KAZN: variants seen among roughly 807,000 people sequenced by gnomAD.
KAZN encodes kazrin, periplakin interacting protein, also known as kazrin.
Under a neutral mutation model 87.4 loss-of-function variants are expected in KAZN, and 40 were observed. The ratio of observed to expected loss-of-function variants is 0.46; its 90% CI spans 0.36 to 0.60. The LOEUF is 0.60. KAZN is among the 20% of genes least tolerant of loss of function. The probability of loss-of-function intolerance (pLI) is 0.00; values close to 1 mark genes in which losing one functional copy is unlikely to be tolerated. For missense variants in KAZN, 898 were observed against 1,073.9 expected (o/e 0.84, Z 2.29); for synonymous variants, 466 against 458.3 (o/e 1.02, Z -0.22).
chr1:15,055,039 TTC>T (rs2100475954), intron 4 of KAZN, among the ~76,000 whole-genome samples: 1 of 152,392 alleles, frequency 6.6e-6, no homozygotes, highest in African/African-American at 2.4e-5. Context: ...CACATGGCAC[TTC>T]TCTGGCAAAA....
In KAZN at chr1:14,484,035, T is replaced by C. The variant is rs373995715; in HGVS notation, c.250-114948T>C. Among the ~76,000 whole-genome samples, 12 of 152,366 alleles carry C rather than the reference T, an allele frequency of 7.9e-5. No individual in the cohort carries two copies. The East Asian group carries it at 1.2e-3, about 15-fold the overall frequency. Reference sequence around the variant, plus strand: ...TAAAGAGATCGTCTTCTCCTCATTGTACTTTCTTGGCATCTTTATTGAAAA... The same window carrying C: ...TAAAGAGATCGTCTTCTCCTCATTGCACTTTCTTGGCATCTTTATTGAAAA... On this transcript the variant is annotated intron_variant, in intron 2 of 16. Coordinates refer to the KAZN transcript ENST00000636203.
intron 1 of KAZN, among the ~76,000 whole-genome samples, chr1:14,005,945 T>C (rs1300758458): frequency 6.6e-6 from 1 of 152,164 alleles, no homozygotes. Context: ...ACTATATGTA[T>C]CCATCTGTCA....
At chr1:14,750,425 G>A (rs1288715463) in intron 1 of KAZN, among the ~76,000 whole-genome samples, 5 of 152,086 alleles carry the variant, frequency 3.3e-5, no homozygotes, top group South Asian at 2.1e-4. Context: ...GAAGTTTTAC[G>A]TGCTCCCTAT....
chr1:14,512,336 A>T (rs1167353694), intron 2 of KAZN, among the ~76,000 whole-genome samples: 2 of 152,066 alleles, frequency 1.3e-5, no homozygotes, highest in Non-Finnish European at 2.9e-5. Flanking sequence ...TGTGGGGCGC[A>T]TTGTAGGATG....
At chr1:14,492,665 A>AACCACACACACACACCACACACACCACAC (rs1239779075) in intron 2 of KAZN, among the ~76,000 whole-genome samples, 1 of 30,880 alleles carries the variant, frequency 3.2e-5, no homozygotes, top group African/African-American at 1.3e-4. Flanking sequence ...ACACACCACA[A>AACCACACACACACACCACACACACCACAC]ATACACACTA....
chr1:14,085,098 A>C (rs1241421153), intron 1 of KAZN, among the ~76,000 whole-genome samples: 1 of 152,080 alleles, frequency 6.6e-6, no homozygotes, highest in African/African-American at 2.4e-5. Flanking sequence ...TCAGTGTGCT[A>C]TTCTTCCCCC....
At chr1:14,650,729 G>A (rs1638309056) in intron 1 of KAZN, among the ~76,000 whole-genome samples, 1 of 152,186 alleles carries the variant, frequency 6.6e-6, no homozygotes, top group Non-Finnish European at 1.5e-5. Flanking sequence ...TTAGTCAGCA[G>A]GTTCCTGATG....
At chr1:14,490,483 T>TGG (rs1350660404) in intron 2 of KAZN, among the ~76,000 whole-genome samples, 13 of 152,078 alleles carry the variant, frequency 8.5e-5, no homozygotes, top group African/African-American at 2.7e-4. Context: ...TTTGTTTGTT[T>TGG]TTTTGGTTTG....
At chr1:14,630,316 TG>T (rs1244298148) in intron 1 of KAZN, among the ~76,000 whole-genome samples, 2 of 151,994 alleles carry the variant, frequency 1.3e-5, no homozygotes, top group African/African-American at 4.8e-5. Context: ...GTGTGGATGG[TG>T]GGGGGAATTT....
chr1:13,984,233 A>G (rs1425376329), intron 1 of KAZN, among the ~76,000 whole-genome samples: 1 of 151,966 alleles, frequency 6.6e-6, no homozygotes, highest in Non-Finnish European at 1.5e-5. Flanking sequence ...GATGGTCTTG[A>G]TCTTCTGACC....
At chr1:14,959,906 CA>C (rs1396757065) in intron 1 of KAZN, among the ~76,000 whole-genome samples, 2 of 152,166 alleles carry the variant, frequency 1.3e-5, no homozygotes, top group Non-Finnish European at 2.9e-5. Flanking sequence ...TGAGGCACCC[CA>C]CAGCCTGAGG....
At chr1:14,011,254 C>T (rs1184779541) in intron 1 of KAZN, among the ~76,000 whole-genome samples, 2 of 152,152 alleles carry the variant, frequency 1.3e-5, no homozygotes, top group African/African-American at 2.4e-5. Context: ...CTGGTGGCTG[C>T]CTGATCAGAT....
chr1:14,479,929 C>G (rs1471276381), intron 2 of KAZN, among the ~76,000 whole-genome samples: 1 of 152,168 alleles, frequency 6.6e-6, no homozygotes, highest in Non-Finnish European at 1.5e-5. Context: ...ACACATAAAC[C>G]AAGTGTCCAA....
At chr1:14,347,141 T>A (rs1287598364) in intron 2 of KAZN, among the ~76,000 whole-genome samples, 1 of 152,196 alleles carries the variant, frequency 6.6e-6, no homozygotes, top group Non-Finnish European at 1.5e-5. Flanking sequence ...CTTTGGGGAA[T>A]GTTCCCGCTC....
chr1:14,886,120 G>GA (rs953091192), intron 1 of KAZN, among the ~76,000 whole-genome samples: 58 of 152,118 alleles, frequency 3.8e-4, no homozygotes, highest in African/African-American at 1.4e-3. Context: ...AAGAATCACT[G>GA]AAAAAAATAC....
At chr1:14,087,175 A>G (rs1643877404) in intron 1 of KAZN, among the ~76,000 whole-genome samples, 1 of 152,164 alleles carries the variant, frequency 6.6e-6, no homozygotes, top group South Asian at 2.1e-4. Context: ...TTTCTCAGAA[A>G]TGTTCTTCGT....
At chr1:14,441,666 A>G (rs951219380) in intron 2 of KAZN, among the ~76,000 whole-genome samples, 6 of 152,126 alleles carry the variant, frequency 3.9e-5, no homozygotes, top group South Asian at 2.1e-4. Context: ...TTTTGGTGCA[A>G]TTTTACATAG....
At chr1:14,419,194 G>A (rs899743664) in intron 2 of KAZN, among the ~76,000 whole-genome samples, 2 of 152,210 alleles carry the variant, frequency 1.3e-5, no homozygotes, top group Non-Finnish European at 2.9e-5. Context: ...CATAGTCTTT[G>A]CAGTGACGCT....
At chr1:15,060,585 G>A (rs1638710281) in intron 6 of KAZN, 1 of 442,560 alleles carries the variant, frequency 2.3e-6, no homozygotes, top group Non-Finnish European at 4.2e-6. Context: ...TGCCCCAGTG[G>A]GCCCTGTCTG....
Sources: allele counts gnomAD v4.1 joint callset (sites outside exome capture counted in the v4.1 genomes callset), GRCh38; gene constraint gnomAD v4.1.1; transcripts MANE v1.5; gene names NCBI Gene and HGNC (gene_info 2026-07-23, HGNC 2026-07-21).